Variants in AGTPBP1 observed in about 807,000 individuals in gnomAD.
AGTPBP1 encodes cytosolic carboxypeptidase 1.
Under a neutral mutation model 143.9 loss-of-function variants are expected in AGTPBP1, and 70 were observed. The ratio of observed to expected loss-of-function variants is 0.49; its 90% CI spans 0.40 to 0.59. The LOEUF (loss-of-function observed/expected upper bound fraction) is 0.59, where lower values mean the gene tolerates loss of function less well. Among genes scored for constraint, AGTPBP1 ranks in the 20% least tolerant of loss-of-function variants. AGTPBP1 has a pLI of 0.00. For synonymous variants in AGTPBP1, 463 were observed against 500.2 expected (o/e 0.93, Z 0.99); for missense variants, 1,229 against 1,464.5 (o/e 0.84, Z 2.62).
At chr9:85,759,793 G>A in the AGTPBP1 span, among the ~76,000 whole-genome samples, 7 of 152,172 alleles carry the variant, frequency 4.6e-5, no homozygotes, top group African/African-American at 1.4e-4. Flanking sequence ...GAAGGAGATA[G>A]AGACACAGAA....
rs146028689 is a variant in AGTPBP1 at position 85,580,973 on chromosome 9, C to T, written c.3166-1877G>A. On this transcript the variant is annotated intron_variant, in intron 23 of 25. Coordinates refer to ENST00000357081, the MANE Select transcript of AGTPBP1 (RefSeq NM_001330701.2). ...ATATCTATACGGATGTGCTCAGAGG[C>T]AAGTCTCACAATACACATGGTAAAA... Among the ~76,000 whole-genome samples the T allele has an allele frequency of 1.6e-3, 251 of 152,278 alleles. 1 individual carries two copies. Among genetic ancestry groups the T allele is most frequent in the African/African-American group, 4.9e-3 (202 of 41,560 alleles).
At chr9:85,720,990 T>G (rs994636588) in intron 1 of AGTPBP1, among the ~76,000 whole-genome samples, 2 of 152,336 alleles carry the variant, frequency 1.3e-5, no homozygotes, top group Non-Finnish European at 2.9e-5. Context: ...GTGAGTTTCT[T>G]AATCCTGAGT....
At chr9:85,553,940 T>G (rs1251238970) in intron 25 of AGTPBP1, 1 of 152,320 alleles carries the variant, frequency 6.6e-6, no homozygotes, top group East Asian at 1.9e-4. Flanking sequence ...CATCTGTCTC[T>G]GATCATTCTC....
chr9:85,781,709 TGTATG>T, the AGTPBP1 span, among the ~76,000 whole-genome samples: 1 of 152,174 alleles, frequency 6.6e-6, no homozygotes, highest in South Asian at 2.1e-4. Flanking sequence ...CAAAAAAAGA[TGTATG>T]GTAGGTAAGA....
the AGTPBP1 span, among the ~76,000 whole-genome samples, chr9:85,770,810 G>T: frequency 2.0e-5 from 3 of 151,852 alleles, no homozygotes; most frequent in Non-Finnish European, 2.9e-5. Flanking sequence ...TCTAGATTTG[G>T]ATGTTCTACC....
chr9:85,720,713 ATTTG>A (rs1215266289), intron 1 of AGTPBP1, among the ~76,000 whole-genome samples: 2 of 151,180 alleles, frequency 1.3e-5, no homozygotes, highest in African/African-American at 4.9e-5. Context: ...TAGCTTTTCA[ATTTG>A]TTTGCTGTTG....
At chr9:85,759,851 A>T in the AGTPBP1 span, among the ~76,000 whole-genome samples, 1 of 152,192 alleles carries the variant, frequency 6.6e-6, no homozygotes, top group East Asian at 1.9e-4. Context: ...TTTGAGATCA[A>T]CAAAACTGAC....
chr9:85,716,020 C>G (rs987875847), intron 1 of AGTPBP1, among the ~76,000 whole-genome samples: 3 of 151,558 alleles, frequency 2.0e-5, no homozygotes, highest in African/African-American at 7.3e-5. Context: ...TGTCCCATTT[C>G]TCTCCTTCTG....
chr9:85,594,407 G>C (rs563083259), intron 18 of AGTPBP1, among the ~76,000 whole-genome samples: 1 of 152,116 alleles, frequency 6.6e-6, no homozygotes, highest in East Asian at 1.9e-4. Flanking sequence ...TCGCAACATG[G>C]TGAAAACCCA....
chr9:85,653,881 A>G (rs2133920424), intron 11 of AGTPBP1, among the ~76,000 whole-genome samples: 1 of 152,302 alleles, frequency 6.6e-6, no homozygotes, highest in African/African-American at 2.4e-5. Flanking sequence ...TGGAATGGGA[A>G]AAGGGTATTG....
intron 2 of AGTPBP1, among the ~76,000 whole-genome samples, chr9:85,694,777 G>A (rs1056963217): frequency 6.6e-6 from 1 of 152,138 alleles, no homozygotes; most frequent in Non-Finnish European, 1.5e-5. Context: ...TGGCTCCTAT[G>A]TTCAATAGCA....
intron 11 of AGTPBP1, among the ~76,000 whole-genome samples, chr9:85,647,441 T>C (rs1415347670): frequency 6.6e-6 from 1 of 152,102 alleles, no homozygotes; most frequent in African/African-American, 2.4e-5. Flanking sequence ...CATGTAATTA[T>C]AATACCAAAG....
At chr9:85,604,791 T>C (rs774530995) in intron 17 of AGTPBP1, among the ~76,000 whole-genome samples, 6 of 152,096 alleles carry the variant, frequency 3.9e-5, no homozygotes, top group Non-Finnish European at 7.4e-5. Context: ...ACTGAAATAA[T>C]TTTTAAAAAC....
At chr9:85,798,144 C>T in the AGTPBP1 span, among the ~76,000 whole-genome samples, 3 of 151,428 alleles carry the variant, frequency 2.0e-5, no homozygotes, top group African/African-American at 7.3e-5. Flanking sequence ...TAAAGTGATC[C>T]ACCTGCCTCA....
chr9:85,728,858 A>T (rs1219420714), intron 1 of AGTPBP1, among the ~76,000 whole-genome samples: 1 of 151,818 alleles, frequency 6.6e-6, no homozygotes, highest in Non-Finnish European at 1.5e-5. Flanking sequence ...ACCTTGGCTT[A>T]TGGTTTTTAA....
chr9:85,613,870 A>T (rs1232737139), intron 17 of AGTPBP1, among the ~76,000 whole-genome samples: 1 of 152,116 alleles, frequency 6.6e-6, no homozygotes, highest in Non-Finnish European at 1.5e-5. Context: ...AATCAAAAAT[A>T]GCTGTATCAT....
intron 1 of AGTPBP1, chr9:85,741,527 C>T (rs532323121): frequency 9.1e-6 from 9 of 985,394 alleles, no homozygotes; most frequent in Admixed American, 6.1e-5. Flanking sequence ...ACCGAGGGTC[C>T]GGGGACTGGG....
intron 13 of AGTPBP1, 111 bp from the exon 14 acceptor site, chr9:85,633,485 G>A (rs1831826217): frequency 1.2e-6 from 1 of 807,038 alleles, no homozygotes; most frequent in Non-Finnish European, 1.8e-6. Context: ...AAATTTTAAA[G>A]ATGGATAAAA....
chr9:85,689,898 CAAAA>C (rs1156931410), intron 3 of AGTPBP1, among the ~76,000 whole-genome samples: 31 of 28,320 alleles, frequency 1.1e-3, no homozygotes, highest in Admixed American at 5.9e-3. Context: ...GACTCTGCCT[CAAAA>C]AAAAAAAAAA....
Sources: gnomAD v4.1 joint callset for allele counts (sites outside exome capture counted in the v4.1 genomes callset) on GRCh38, gnomAD v4.1.1 for gene constraint, MANE v1.5 for transcripts, NCBI Gene and HGNC (gene_info 2026-07-23, HGNC 2026-07-21) for gene names.